CNTNAP2: variants seen among roughly 807,000 people sequenced by gnomAD.
CNTNAP2 encodes contactin-associated protein-like 2.
A neutral mutation model predicts 155.2 loss-of-function variants in CNTNAP2; 98 were observed. The observed-to-expected ratio is 0.63, with a 90% confidence interval of 0.54 to 0.75. CNTNAP2 has a LOEUF of 0.75. Ranked by LOEUF, CNTNAP2 falls within the 30% of genes least tolerant of loss-of-function variation. The pLI is 0.00. For missense variants in CNTNAP2, 1,727 were observed against 1,688.1 expected, an observed-to-expected ratio of 1.02 and a Z score of -0.40; for synonymous variants, 651 against 631.2, an observed-to-expected ratio of 1.03 and a Z score of -0.47.
At chr7:147,021,411 G>A (rs948600488) in intron 3 of CNTNAP2, among the ~76,000 whole-genome samples, 1 of 151,944 alleles carries the variant, frequency 6.6e-6, no homozygotes. Context: ...AAATGCTCAG[G>A]GCTTTTGTTT....
At chr7:147,817,704 C>G (rs926814252) in intron 13 of CNTNAP2, among the ~76,000 whole-genome samples, 17 of 152,020 alleles carry the variant, frequency 1.1e-4, no homozygotes, top group African/African-American at 3.9e-4. Flanking sequence ...GAGATCGAGA[C>G]CATCCTGGCT....
intron 9 of CNTNAP2, among the ~76,000 whole-genome samples, chr7:147,309,199 C>A (rs1440723022): frequency 6.6e-6 from 1 of 152,166 alleles, no homozygotes; most frequent in African/African-American, 2.4e-5. Flanking sequence ...TCCACATTTA[C>A]ATAGTGCTGA....
intron 10 of CNTNAP2, among the ~76,000 whole-genome samples, chr7:147,468,972 G>A (rs1012484630): frequency 7.9e-5 from 12 of 151,654 alleles, no homozygotes; most frequent in South Asian, 2.1e-4. Flanking sequence ...TCCCAAGTGC[G>A]CCATCACGCC....
At chr7:147,933,670 G>A (rs10239521) in intron 14 of CNTNAP2, among the ~76,000 whole-genome samples, 1,841 of 152,208 alleles carry the variant, frequency 0.012, 44 homozygotes, top group African/African-American at 0.041. Context: ...TTCGGGACCA[G>A]CCTGACCAAC....
chr7:146,747,468 A>C (rs1801828498), intron 1 of CNTNAP2, among the ~76,000 whole-genome samples: 1 of 152,184 alleles, frequency 6.6e-6, no homozygotes. Context: ...TTTTATTCTT[A>C]AGGAGGAAAA....
chr7:147,994,284 T>A (rs1801765035), intron 15 of CNTNAP2, among the ~76,000 whole-genome samples: 1 of 151,466 alleles, frequency 6.6e-6, no homozygotes, highest in African/African-American at 2.4e-5. Flanking sequence ...GGCAGGAGGA[T>A]CACTGGAGCC....
intron 9 of CNTNAP2, among the ~76,000 whole-genome samples, chr7:147,355,046 G>A (rs967762960): frequency 6.6e-6 from 1 of 151,970 alleles, no homozygotes; most frequent in Non-Finnish European, 1.5e-5. Flanking sequence ...CTGAGACGAT[G>A]GGGTTTTCTA....
At chr7:147,393,346 C>T (rs906675132) in intron 9 of CNTNAP2, among the ~76,000 whole-genome samples, 1 of 151,896 alleles carries the variant, frequency 6.6e-6, no homozygotes, top group African/African-American at 2.4e-5. Flanking sequence ...GTTTTACAAC[C>T]TTAATTATAC....
chr7:147,693,806 C>A (rs186041342), intron 13 of CNTNAP2, among the ~76,000 whole-genome samples: 67 of 152,016 alleles, frequency 4.4e-4, no homozygotes, highest in African/African-American at 1.6e-3. Flanking sequence ...AGTTTTATTT[C>A]TTCCTCTCCA....
At chr7:146,985,704 G>C (rs1292341530) in intron 3 of CNTNAP2, among the ~76,000 whole-genome samples, 2 of 152,152 alleles carry the variant, frequency 1.3e-5, no homozygotes, top group East Asian at 3.9e-4. Flanking sequence ...CAACACAGTC[G>C]ATAAGTTTTT....
intron 18 of CNTNAP2, among the ~76,000 whole-genome samples, chr7:148,182,083 C>T (rs540203356): frequency 6.6e-6 from 1 of 152,158 alleles, no homozygotes; most frequent in South Asian, 2.1e-4. Context: ...CTAATCCCCA[C>T]CAGTGTGGGG....
chr7:147,779,823 T>G (rs1322414110), intron 13 of CNTNAP2, among the ~76,000 whole-genome samples: 2 of 152,180 alleles, frequency 1.3e-5, no homozygotes, highest in East Asian at 3.9e-4. Context: ...TTCAACTAGT[T>G]TCCTTATATA....
chr7:146,308,568 G>T (rs1800761890), intron 1 of CNTNAP2, among the ~76,000 whole-genome samples: 1 of 151,336 alleles, frequency 6.6e-6, no homozygotes, highest in South Asian at 2.1e-4. Context: ...GCAAAGACTT[G>T]GAACCAACCC....
At chr7:146,794,928 T>C (rs2129189925) in intron 2 of CNTNAP2, among the ~76,000 whole-genome samples, 1 of 152,330 alleles carries the variant, frequency 6.6e-6, no homozygotes, top group Admixed American at 6.5e-5. Context: ...GCCTTAAACA[T>C]TCATCAAGTT....
intron 1 of CNTNAP2, among the ~76,000 whole-genome samples, chr7:146,360,224 G>A (rs893759112): frequency 5.3e-5 from 8 of 152,014 alleles, no homozygotes; most frequent in Non-Finnish European, 1.0e-4. Context: ...CTCCTTGCCC[G>A]CAAACTCCTT....
chr7:146,349,412 A>G (rs777599127), intron 1 of CNTNAP2, among the ~76,000 whole-genome samples: 6 of 152,214 alleles, frequency 3.9e-5, no homozygotes, highest in Non-Finnish European at 7.3e-5. Flanking sequence ...CTTATGGCAT[A>G]ATGAAAACAA....
At chr7:147,869,567 A>T (rs1276377912) in intron 13 of CNTNAP2, among the ~76,000 whole-genome samples, 1 of 152,042 alleles carries the variant, frequency 6.6e-6, no homozygotes, top group Non-Finnish European at 1.5e-5. Flanking sequence ...GTACAAGAAT[A>T]AATGGATGTT....
At chr7:147,299,904 A>G (rs564503652) in intron 8 of CNTNAP2, among the ~76,000 whole-genome samples, 12 of 152,278 alleles carry the variant, frequency 7.9e-5, no homozygotes, top group African/African-American at 2.6e-4. Flanking sequence ...ACACAGCGGT[A>G]TTAATACTGC....
intron 1 of CNTNAP2, among the ~76,000 whole-genome samples, chr7:146,762,120 T>C (rs1261552804): frequency 6.6e-6 from 1 of 152,206 alleles, no homozygotes; most frequent in Non-Finnish European, 1.5e-5. Context: ...AAAAAGTTGA[T>C]TTGGATTACT....
Sources: gnomAD v4.1 joint callset for allele counts (sites outside exome capture counted in the v4.1 genomes callset) on GRCh38, gnomAD v4.1.1 for gene constraint, MANE v1.5 for transcripts, NCBI Gene and HGNC (gene_info 2026-07-23, HGNC 2026-07-21) for gene names.